The following ZNF454 variants were observed in gnomAD, a reference collection of about 807,000 sequenced individuals.
The protein encoded by ZNF454 is zinc finger protein 454.
A neutral mutation model predicts 48.2 loss-of-function variants in ZNF454; 30 were observed. The observed-to-expected ratio is 0.62, with a 90% confidence interval of 0.47 to 0.84. ZNF454 has a LOEUF of 0.84. ZNF454 is among the 40% of genes least tolerant of loss of function. The pLI, the probability that ZNF454 is intolerant of heterozygous loss-of-function variation, is 0.00. For missense variants in ZNF454, 510 were observed against 623.1 expected, an observed-to-expected ratio of 0.82 and a Z score of 1.93; for synonymous variants, 204 against 211.4, an observed-to-expected ratio of 0.97 and a Z score of 0.30.
rs151273512 is a variant in ZNF454 at position 178,966,306 on chromosome 5, C to T, written c.*333C>T. 190 of 167,276 alleles carry T rather than the reference C, an allele frequency of 1.1e-3. No individual in the cohort carries two copies. Among genetic ancestry groups the T allele is most frequent in the South Asian group, 4.8e-3 (29 of 6,068 alleles). 10.4% of individuals were successfully genotyped at this position (167,276 alleles called of 1,614,324 possible). On this transcript the variant is annotated 3_prime_UTR_variant, in exon 5 of 5. Transcript: ENST00000519564. ...AAAATTACCCGGGCATGGTGGTGGG[C>T]GCCTGTAGTCCCAGCTACTCGGGAG...
chr5:178,989,223 C>CCCCCCCCCCCCCCCCGG, the ZNF454 span: 1 of 1,134,356 alleles, frequency 8.8e-7, no homozygotes, highest in Non-Finnish European at 1.3e-6. Context: ...CCTCACCACC[C>CCCCCCCCCCCCCCCCGG]TCCCCACCCT....
Position 178,941,241 on chromosome 5 carries a change from T to G in ZNF454, c.-311T>G. 1 of 391,568 alleles carries G rather than the reference T, an allele frequency of 2.6e-6. No individual in the cohort carries two copies. Among genetic ancestry groups the G allele is most frequent in the Non-Finnish European group, 5.1e-6 (1 of 194,582 alleles). 24.3% of individuals were successfully genotyped at this position (391,568 alleles called of 1,614,324 possible). The stretch of plus-strand genomic sequence containing the variant: ...CCAGCTCATTGTGTTCTGACTGCGA[T>G]GTGGCGCTTGCGATCTCTCGCCGCC... On this transcript the variant is annotated 5_prime_UTR_variant, in exon 1 of 5. It removes an upstream start codon present in the reference 5' UTR. Coordinates refer to ENST00000519564, the MANE Select transcript of ZNF454 (RefSeq NM_001178089.3). The surrounding 1 kb of genome is among the most constrained non-coding windows in gnomAD (Gnocchi z 5.5).
At chr5:178,982,208 G>T in the ZNF454 span, among the ~76,000 whole-genome samples, 1 of 152,218 alleles carries the variant, frequency 6.6e-6, no homozygotes, top group African/African-American at 2.4e-5. Context: ...TGGATGACAG[G>T]TGCATAAAAT....
At chr5:178,979,387 T>C in the ZNF454 span, 36,631 of 152,174 alleles carry the variant, frequency 0.24, 5,044 homozygotes, top group Non-Finnish European at 0.31. Context: ...GTACTAAATA[T>C]GACAACATCT....
chr5:178,949,197 C>T (rs758762864), intron 4 of ZNF454, among the ~76,000 whole-genome samples: 7 of 151,798 alleles, frequency 4.6e-5, no homozygotes, highest in Non-Finnish European at 8.8e-5. Flanking sequence ...ATTACAGGCG[C>T]CTGCCACCTC....
chr5:178,977,569 C>CTT, the ZNF454 span: 1 of 200,922 alleles, frequency 5.0e-6, no homozygotes, highest in Non-Finnish European at 1.1e-5. Context: ...CAAATTCAGT[C>CTT]TTCTTTTTTT....
Position 178,965,595 on chromosome 5 carries a change from A to G in ZNF454, c.1191A>G (p.Ser397=). The change falls in exon 5 of 5, where the codon TCA becomes TCG. Residue 397 remains serine, a synonymous_variant. Transcript: ENST00000519564. The surrounding 1 kb of genome is among the most constrained non-coding windows in gnomAD (Gnocchi z 5.2). ...GTGGGAAAGCTTTCAGGGATAATTC[A>G]TCCTTTGCACGACATCGGAAAATTC... ...NECGKAFRDN[S]SFARHRKIHT... is the part of the protein sequence containing the mutation. 4 of 1,614,214 alleles carry G rather than the reference A, an allele frequency of 2.5e-6. No individual in the cohort carries two copies. The highest frequency in any genetic ancestry group is 3.4e-6 in the Non-Finnish European group (4 of 1,180,046).
chr5:178,947,077 T>C, intron 4 of ZNF454, 91 bp downstream of exon 4: 1 of 1,002,432 alleles, frequency 1.0e-6, no homozygotes, highest in South Asian at 1.5e-5. Flanking sequence ...CAGATGCACC[T>C]GCCTGAGGAT....
At position 178,941,483 on chromosome 5, in the gene ZNF454, A is replaced by G. The variant is rs1373676511; in HGVS notation, c.-108+39A>G. ...TTGATCCCAGAGAGGGAGGACGGCC[A>G]GGGGTGGTCATCCTGGGCTGAGGGT... On this transcript the variant is annotated intron_variant, in intron 1 of 4. Coordinates refer to ENST00000519564, the MANE Select transcript of ZNF454 (RefSeq NM_001178089.3). The surrounding 1 kb of genome is among the most constrained non-coding windows in gnomAD (Gnocchi z 5.5). 1 of 456,534 alleles carries G rather than the reference A, an allele frequency of 2.2e-6. No homozygotes were observed. Among genetic ancestry groups the G allele is most frequent in the Non-Finnish European group, 4.4e-6 (1 of 226,928 alleles). The allele number at this position is 456,534 out of a possible 1,614,324, so 28.3% of individuals were successfully genotyped here.
chr5:178,946,318 G>C lies in ZNF454; in HGVS notation c.34-41G>C, dbSNP rs56954828. Reference sequence around the variant, plus strand: ...TCTCTTTTCCAGAGAACCATGTGCAGGGGTAGCCCCTGGTCAAGGAGAATG... The same window carrying C: ...TCTCTTTTCCAGAGAACCATGTGCACGGGTAGCCCCTGGTCAAGGAGAATG... On this transcript the variant is annotated intron_variant, in intron 2 of 4. Transcript: ENST00000519564. The surrounding 1 kb of genome is among the most constrained non-coding windows in gnomAD (Gnocchi z 4.5). 0.066 allele frequency: 106,704 copies of C among 1,607,684 alleles called. 4,587 individuals carry two copies. Among genetic ancestry groups the C allele is most frequent in the African/African-American group, 0.2 (14,572 of 74,606 alleles).
the ZNF454 span, chr5:178,985,831 G>T: frequency 1.9e-6 from 1 of 536,028 alleles, no homozygotes; most frequent in East Asian, 3.9e-5. Flanking sequence ...GTGCGATCTT[G>T]GCTCACAGCA....
At chr5:178,943,673 A>G (rs760033097) in intron 2 of ZNF454, among the ~76,000 whole-genome samples, 1 of 152,222 alleles carries the variant, frequency 6.6e-6, no homozygotes, top group Non-Finnish European at 1.5e-5. Flanking sequence ...TCAAAAGACT[A>G]TTCTGCCAAA....
intron 4 of ZNF454, among the ~76,000 whole-genome samples, chr5:178,953,183 C>T (rs1211840524): frequency 6.6e-6 from 1 of 151,994 alleles, no homozygotes; most frequent in African/African-American, 2.4e-5. Context: ...TAAACTCAGC[C>T]CCTGCCCCTT....
At chr5:178,950,195 A>G (rs1759498059) in intron 4 of ZNF454, among the ~76,000 whole-genome samples, 1 of 152,192 alleles carries the variant, frequency 6.6e-6, no homozygotes, top group Non-Finnish European at 1.5e-5. Flanking sequence ...TAATCATAAT[A>G]TGAAAAAGTC....
intron 4 of ZNF454, among the ~76,000 whole-genome samples, chr5:178,960,107 G>A (rs1440743041): frequency 6.6e-6 from 1 of 151,092 alleles, no homozygotes; most frequent in East Asian, 2.1e-4. Flanking sequence ...ACATCACCAT[G>A]CCTGGCTGAT....
rs147587461 is a variant in ZNF454 at position 178,947,044 on chromosome 5, C to T, written c.250+58C>T. On this transcript the variant is annotated intron_variant, in intron 4 of 4. Coordinates refer to ENST00000519564, the MANE Select transcript of ZNF454 (RefSeq NM_001178089.3). The stretch of plus-strand genomic sequence containing the variant: ...GAGCCCTGCTGGGTAGGGAAGGCTC[C>T]GTAGGGAAGGCAGGGAGGCTTGCAG... 3.8e-3 allele frequency: 5,625 copies of T among 1,461,682 alleles called. 26 individuals are homozygous for T. Among genetic ancestry groups the T allele is most frequent in the Middle Eastern group, 4.2e-3 (23 of 5,534 alleles). The allele number at this position is 1,461,682 out of a possible 1,614,324, so 90.5% of individuals were successfully genotyped here.
chr5:178,972,583 A>G, the ZNF454 span, among the ~76,000 whole-genome samples: 4 of 152,208 alleles, frequency 2.6e-5, no homozygotes, highest in Non-Finnish European at 5.9e-5. Context: ...GGGGTCCACA[A>G]GAAAAACCCA....
At chr5:178,972,751 C>T in the ZNF454 span, among the ~76,000 whole-genome samples, 7 of 151,948 alleles carry the variant, frequency 4.6e-5, no homozygotes, top group African/African-American at 1.7e-4. Flanking sequence ...GGCTGAGCCA[C>T]GTGGGGGTGA....
At chr5:178,989,014 C>G in the ZNF454 span, 1 of 1,614,010 alleles carries the variant, frequency 6.2e-7, no homozygotes, top group Non-Finnish European at 8.5e-7. Context: ...GGCCTGTGTG[C>G]CCAGGGCAGA....
Sources: allele counts gnomAD v4.1 joint callset (sites outside exome capture counted in the v4.1 genomes callset), GRCh38; gene constraint gnomAD v4.1.1; non-coding constraint Gnocchi (gnomAD v3.1); transcripts MANE v1.5; gene names NCBI Gene and HGNC (gene_info 2026-07-23, HGNC 2026-07-21).